IMMP2L: variants seen among roughly 807,000 people sequenced by gnomAD.
The protein encoded by IMMP2L is inner mitochondrial membrane peptidase subunit 2, also known as mitochondrial inner membrane protease subunit 2.
IMMP2L carries 18 observed loss-of-function variants against 19.3 expected under a neutral mutation model. The observed-to-expected ratio is 0.93, with a 90% confidence interval of 0.64 to 1.38. IMMP2L has a LOEUF of 1.38. Among genes scored for constraint, IMMP2L ranks in the 40% most tolerant of loss-of-function variants. The pLI is 0.00. For synonymous variants in IMMP2L, 76 were observed against 73.0 expected (o/e 1.04, Z -0.21); for missense variants, 233 against 218.2 (o/e 1.07, Z -0.43).
At chr7:111,467,660 A>C (rs1255598895) in intron 3 of IMMP2L, among the ~76,000 whole-genome samples, 1 of 152,176 alleles carries the variant, frequency 6.6e-6, no homozygotes, top group Non-Finnish European at 1.5e-5. Flanking sequence ...GTTTTGAGAA[A>C]AGGACAAAAC....
chr7:110,684,854 G>A (rs1319387156), intron 5 of IMMP2L, among the ~76,000 whole-genome samples: 1 of 152,050 alleles, frequency 6.6e-6, no homozygotes, highest in African/African-American at 2.4e-5. Context: ...AACCTGCCCT[G>A]CCTATGGATG....
intron 5 of IMMP2L, among the ~76,000 whole-genome samples, chr7:110,763,699 T>A (rs1228832829): frequency 1.3e-5 from 2 of 152,154 alleles, no homozygotes; most frequent in African/African-American, 2.4e-5. Context: ...AGTAACTTGA[T>A]TTAAAGCAGG....
intron 3 of IMMP2L, among the ~76,000 whole-genome samples, chr7:111,180,142 G>A (rs1183619724): frequency 2.0e-5 from 3 of 152,010 alleles, no homozygotes; most frequent in African/African-American, 7.2e-5. Flanking sequence ...TTTCCTTCAA[G>A]AACTTATCCT....
At chr7:111,128,247 G>A (rs951085227) in intron 3 of IMMP2L, among the ~76,000 whole-genome samples, 3 of 151,942 alleles carry the variant, frequency 2.0e-5, no homozygotes, top group Admixed American at 6.6e-5. Context: ...ACAAATTTTC[G>A]ACCATCTAAA....
chr7:111,198,531 T>C (rs1028464585), intron 3 of IMMP2L, among the ~76,000 whole-genome samples: 1 of 152,126 alleles, frequency 6.6e-6, no homozygotes, highest in Non-Finnish European at 1.5e-5. Flanking sequence ...GAAGCAGTGA[T>C]TCATACTTTC....
At chr7:111,191,157 G>A (rs1357435787) in intron 3 of IMMP2L, among the ~76,000 whole-genome samples, 5 of 152,000 alleles carry the variant, frequency 3.3e-5, no homozygotes, top group Non-Finnish European at 7.4e-5. Flanking sequence ...GTAGTTATAT[G>A]ACCTTTATTA....
intron 3 of IMMP2L, among the ~76,000 whole-genome samples, chr7:111,344,712 G>C (rs1827361905): frequency 6.6e-6 from 1 of 152,128 alleles, no homozygotes; most frequent in African/African-American, 2.4e-5. Flanking sequence ...CTTCTGTTTT[G>C]AACACTACCG....
At chr7:110,693,577 A>C (rs993987118) in intron 5 of IMMP2L, among the ~76,000 whole-genome samples, 2 of 152,180 alleles carry the variant, frequency 1.3e-5, no homozygotes, top group African/African-American at 4.8e-5. Context: ...TCCACCTGTA[A>C]AGGCTCAACA....
intron 5 of IMMP2L, among the ~76,000 whole-genome samples, chr7:110,705,360 T>C (rs556291089): frequency 3.9e-5 from 6 of 152,310 alleles, no homozygotes; most frequent in Middle Eastern, 6.8e-3. Context: ...CAACTTTAAA[T>C]GTACTGCATA....
intron 3 of IMMP2L, among the ~76,000 whole-genome samples, chr7:111,053,743 G>A (rs1258689253): frequency 6.6e-6 from 1 of 152,034 alleles, no homozygotes; most frequent in African/African-American, 2.4e-5. Context: ...ACACATCACA[G>A]GTAGGAAACT....
In IMMP2L at chr7:110,691,307, C is replaced by T. The variant is rs115710412; in HGVS notation, c.409-27586G>A. On this transcript the variant is annotated intron_variant, in intron 5 of 5. Transcript: ENST00000405709. The stretch of plus-strand genomic sequence containing the variant: ...CTGGATCCCTATCTCTTACCATACA[C>T]AAAAATAAACTCAAGATGGACTAAA... 8.6e-3 allele frequency among the ~76,000 whole-genome samples: 1,312 copies of T among 152,124 alleles called. 16 individuals carry two copies. Among genetic ancestry groups the T allele is most frequent in the African/African-American group, 0.028 (1,176 of 41,504 alleles).
At chr7:111,074,916 A>C (rs1050827356) in intron 3 of IMMP2L, among the ~76,000 whole-genome samples, 3 of 152,184 alleles carry the variant, frequency 2.0e-5, no homozygotes, top group Non-Finnish European at 4.4e-5. Flanking sequence ...GAAATTTGAG[A>C]GACTTTGGCA....
chr7:111,500,252 TG>T (rs1400407640), intron 2 of IMMP2L, among the ~76,000 whole-genome samples: 1 of 152,030 alleles, frequency 6.6e-6, no homozygotes, highest in Non-Finnish European at 1.5e-5. Context: ...GCAGCGAGGC[TG>T]GGGAAGGGGC....
At chr7:111,528,160 C>T (rs1167705034) in intron 1 of IMMP2L, among the ~76,000 whole-genome samples, 3 of 152,128 alleles carry the variant, frequency 2.0e-5, no homozygotes, top group Non-Finnish European at 4.4e-5. Context: ...AGTTAATGCA[C>T]CTCCTTGTCT....
chr7:111,347,311 G>A (rs1827672603), intron 3 of IMMP2L, among the ~76,000 whole-genome samples: 1 of 152,072 alleles, frequency 6.6e-6, no homozygotes, highest in Admixed American at 6.6e-5. Flanking sequence ...CCAGAGGAGG[G>A]AAGTGACTTA....
intron 3 of IMMP2L, among the ~76,000 whole-genome samples, chr7:111,349,821 A>G (rs866213279): frequency 1.3e-5 from 2 of 152,042 alleles, no homozygotes; most frequent in Admixed American, 6.6e-5. Context: ...TTCCTCTCCT[A>G]TTGTCTCTCA....
intron 4 of IMMP2L, among the ~76,000 whole-genome samples, chr7:110,919,373 G>C (rs1431729163): frequency 6.6e-6 from 1 of 152,084 alleles, no homozygotes; most frequent in African/African-American, 2.4e-5. Context: ...CAAATAACCA[G>C]GATTTCAATA....
At chr7:110,743,688 G>C (rs542815355) in intron 5 of IMMP2L, among the ~76,000 whole-genome samples, 72 of 152,272 alleles carry the variant, frequency 4.7e-4, no homozygotes, top group Non-Finnish European at 7.8e-4. Flanking sequence ...GCAAGGAGTC[G>C]GGGAACTCCC....
intron 2 of IMMP2L, among the ~76,000 whole-genome samples, chr7:111,501,514 A>G (rs1277440201): frequency 2.6e-5 from 4 of 152,304 alleles, no homozygotes; most frequent in African/African-American, 2.4e-5. Flanking sequence ...TCCAAGACAC[A>G]TAACTGTCAC....
Sources: gnomAD v4.1 joint callset for allele counts (sites outside exome capture counted in the v4.1 genomes callset) on GRCh38, gnomAD v4.1.1 for gene constraint, MANE v1.5 for transcripts, NCBI Gene and HGNC (gene_info 2026-07-23, HGNC 2026-07-21) for gene names.